Variants in CCDC171 observed in about 807,000 individuals in gnomAD.
CCDC171 encodes coiled-coil domain containing 171.
Under a neutral mutation model 168.2 loss-of-function variants are expected in CCDC171, and 177 were observed. The ratio of observed to expected loss-of-function variants is 1.05; its 90% CI spans 0.93 to 1.19. The LOEUF is 1.19. CCDC171 is among the 50% of genes most tolerant of loss of function. CCDC171 has a pLI of 0.00. For missense variants in CCDC171, 1,991 were observed against 1,539.0 expected, an observed-to-expected ratio of 1.29 and a Z score of -4.91; for synonymous variants, 687 against 540.8, an observed-to-expected ratio of 1.27 and a Z score of -3.75.
intron 1 of CCDC171, among the ~76,000 whole-genome samples, chr9:15,561,162 A>T (rs970232991): frequency 3.3e-5 from 5 of 152,182 alleles, no homozygotes; most frequent in Admixed American, 2.6e-4. Context: ...TTCCTCATGT[A>T]TAAAGTATGG....
chr9:16,016,105 C>T (rs1317315296), intron 3 of CCDC171, among the ~76,000 whole-genome samples: 3 of 152,118 alleles, frequency 2.0e-5, no homozygotes, highest in Non-Finnish European at 4.4e-5. Flanking sequence ...TCCCTGCTTT[C>T]ATTTCTTTGG....
chr9:15,752,147 G>GA (rs2055790998), intron 18 of CCDC171, among the ~76,000 whole-genome samples: 1 of 152,146 alleles, frequency 6.6e-6, no homozygotes, highest in African/African-American at 2.4e-5. Context: ...CAACAAACAT[G>GA]AAAAAATGCT....
intron 6 of CCDC171, among the ~76,000 whole-genome samples, chr9:15,620,524 A>C (rs1040155122): frequency 5.9e-5 from 9 of 152,240 alleles, no homozygotes; most frequent in African/African-American, 1.9e-4. Context: ...TGCATTCATA[A>C]AACTTGAATG....
At chr9:15,761,477 G>A (rs1437157836) in intron 18 of CCDC171, among the ~76,000 whole-genome samples, 1 of 152,098 alleles carries the variant, frequency 6.6e-6, no homozygotes, top group African/African-American at 2.4e-5. Flanking sequence ...CATGGACCAA[G>A]GGCATTGTCA....
chr9:15,878,397 T>G (rs1818147604), intron 24 of CCDC171, among the ~76,000 whole-genome samples: 1 of 151,776 alleles, frequency 6.6e-6, no homozygotes, highest in South Asian at 2.1e-4. Context: ...TTGCTGATCA[T>G]TAGAGAAATG....
intron 21 of CCDC171, among the ~76,000 whole-genome samples, chr9:15,800,551 A>G (rs1161806738): frequency 6.6e-6 from 1 of 151,986 alleles, no homozygotes; most frequent in African/African-American, 2.4e-5. Flanking sequence ...ATTTTTTCCC[A>G]TTCAGTGGGT....
chr9:15,801,951 C>A (rs1036543945), intron 21 of CCDC171, among the ~76,000 whole-genome samples: 5 of 152,074 alleles, frequency 3.3e-5, no homozygotes, highest in African/African-American at 1.2e-4. Context: ...ACCATCCTTG[C>A]ATCCCTGGGA....
chr9:15,656,352 C>T (rs1337616955), intron 7 of CCDC171, among the ~76,000 whole-genome samples: 4 of 151,904 alleles, frequency 2.6e-5, no homozygotes, highest in African/African-American at 9.7e-5. Flanking sequence ...CAATATGTAC[C>T]TGTCATTTCA....
chr9:15,695,439 T>A, intron 11 of CCDC171, 102 bp downstream of exon 11: 1 of 842,642 alleles, frequency 1.2e-6, no homozygotes, highest in Non-Finnish European at 2.0e-6. Flanking sequence ...CATCTCAACA[T>A]GTTTTGATTT....
At chr9:16,074,660 A>G in the CCDC171 span, among the ~76,000 whole-genome samples, 2 of 152,212 alleles carry the variant, frequency 1.3e-5, no homozygotes, top group African/African-American at 4.8e-5. Flanking sequence ...GATGGTTTGG[A>G]TAAGTAGTGG....
chr9:15,970,477 A>G (rs188434319), intron 25 of CCDC171, among the ~76,000 whole-genome samples: 66 of 152,064 alleles, frequency 4.3e-4, no homozygotes, highest in Admixed American at 1.2e-3. Context: ...TTTCAGCAAC[A>G]TTTATTTTGT....
chr9:15,762,138 C>A (rs1399022076), intron 18 of CCDC171, among the ~76,000 whole-genome samples: 2 of 146,828 alleles, frequency 1.4e-5, no homozygotes, highest in Non-Finnish European at 3.0e-5. Flanking sequence ...TTCTGGGCAA[C>A]TTCTAAGAGC....
At chr9:15,916,862 A>G (rs907021840) in intron 24 of CCDC171, among the ~76,000 whole-genome samples, 1 of 151,982 alleles carries the variant, frequency 6.6e-6, no homozygotes, top group African/African-American at 2.4e-5. Context: ...TTTGTTCTTC[A>G]TATACTAACC....
rs558732132 is a variant in CCDC171 at position 15,633,889 on chromosome 9, T to C, written c.822+10476T>C. Among the ~76,000 whole-genome samples the C allele has an allele frequency of 7.5e-3, 1,143 of 152,132 alleles. 9 individuals are homozygous for C. Among genetic ancestry groups the C allele is most frequent in the African/African-American group, 0.026 (1,085 of 41,504 alleles). ...GTCCTTTGTAGGGACATGGATGAAA[T>C]TGGAAATCATCATTCTCAGTAAACT... On this transcript the variant is annotated intron_variant, in intron 7 of 25. Coordinates refer to ENST00000380701, the MANE Select transcript of CCDC171 (RefSeq NM_173550.4).
Position 15,621,733 on chromosome 9 carries a change from G to T in CCDC171, c.676-1534G>T, listed in dbSNP as rs566925393. On this transcript the variant is annotated intron_variant, in intron 6 of 25. Transcript: ENST00000380701. ...GAAAACAATGTGGCGATTCCTCAAA[G>T]AACTAAAAACAGAACTACCTTTTGA... Among the ~76,000 whole-genome samples the T allele has an allele frequency of 2.0e-5, 3 of 152,200 alleles. No homozygotes were observed. In the South Asian group the frequency reaches 6.2e-4, roughly 32 times the overall value.
intron 25 of CCDC171, among the ~76,000 whole-genome samples, chr9:15,926,626 C>G (rs1400948002): frequency 6.6e-6 from 1 of 151,586 alleles, no homozygotes; most frequent in Non-Finnish European, 1.5e-5. Flanking sequence ...CACTGTTACT[C>G]ATTAGCCATT....
At chr9:15,829,789 A>C (rs530933562) in intron 21 of CCDC171, among the ~76,000 whole-genome samples, 74 of 152,090 alleles carry the variant, frequency 4.9e-4, no homozygotes, top group African/African-American at 1.7e-3. Flanking sequence ...GTGTGGTTAC[A>C]TGTGCCTATA....
chr9:15,559,828 G>T (rs1344046705), intron 1 of CCDC171, among the ~76,000 whole-genome samples: 3 of 152,058 alleles, frequency 2.0e-5, no homozygotes, highest in Admixed American at 6.6e-5. Context: ...TCCTAGGCTC[G>T]ATGGTCTTTA....
At chr9:15,744,982 T>C (rs933096071) in intron 17 of CCDC171, among the ~76,000 whole-genome samples, 1 of 152,190 alleles carries the variant, frequency 6.6e-6, no homozygotes, top group Non-Finnish European at 1.5e-5. Context: ...TTAAACAGGT[T>C]AAAATATTAG....
Sources: gnomAD v4.1 joint callset for allele counts (sites outside exome capture counted in the v4.1 genomes callset) on GRCh38, gnomAD v4.1.1 for gene constraint, MANE v1.5 for transcripts, NCBI Gene and HGNC (gene_info 2026-07-23, HGNC 2026-07-21) for gene names.